The following TSNAX variants were observed in gnomAD, a reference collection of about 807,000 sequenced individuals.
TSNAX encodes the protein translin associated factor X.
TSNAX carries 12 observed loss-of-function variants against 33.0 expected under a neutral mutation model. That is an observed-to-expected ratio of 0.36 (90% CI 0.23 to 0.59). The LOEUF (loss-of-function observed/expected upper bound fraction) is 0.59, where lower values mean the gene tolerates loss of function less well. Ranked by LOEUF, TSNAX falls within the 20% of genes least tolerant of loss-of-function variation. The probability of loss-of-function intolerance (pLI) is 0.74; values close to 1 mark genes in which losing one functional copy is unlikely to be tolerated. For synonymous variants in TSNAX, 110 were observed against 117.2 expected, an observed-to-expected ratio of 0.94 and a Z score of 0.40; for missense variants, 267 against 341.3, an observed-to-expected ratio of 0.78 and a Z score of 1.72.
Position 231,533,661 on chromosome 1 carries a change from G to T in TSNAX, c.122-3552G>T, listed in dbSNP as rs75407415. Among the ~76,000 whole-genome samples, 22 of 152,246 alleles carry T rather than the reference G, an allele frequency of 1.4e-4. No homozygotes were observed. In the East Asian group the frequency reaches 3.9e-3, roughly 27 times the overall value. ...AAAACTAGAAGACTTAATGCAGTTGGAAAAATAGTACAGAGAATTTCTGTA... is the reference window on the plus strand; with the variant it reads ...AAAACTAGAAGACTTAATGCAGTTGTAAAAATAGTACAGAGAATTTCTGTA... On this transcript the variant is annotated intron_variant, in intron 2 of 5. Transcript: ENST00000366639.
At chr1:231,533,700 G>A (rs968755171) in intron 2 of TSNAX, among the ~76,000 whole-genome samples, 2 of 152,128 alleles carry the variant, frequency 1.3e-5, no homozygotes, top group African/African-American at 4.8e-5. Flanking sequence ...ACTTGACTTA[G>A]ATTGACCAAT....
intron 4 of TSNAX, among the ~76,000 whole-genome samples, chr1:231,553,763 C>G (rs1362452441): frequency 6.6e-6 from 1 of 151,342 alleles, no homozygotes; most frequent in Non-Finnish European, 1.5e-5. Flanking sequence ...CTCGGCTCAC[C>G]ACAACCTCTG....
At chr1:231,549,121 G>A (rs1046336126) in intron 4 of TSNAX, among the ~76,000 whole-genome samples, 1 of 152,132 alleles carries the variant, frequency 6.6e-6, no homozygotes, top group Non-Finnish European at 1.5e-5. Context: ...AAGGGGATGT[G>A]GTGGGGAAAT....
chr1:231,564,562 C>A lies in TSNAX; in HGVS notation c.530C>A (p.Thr177Asn). The change falls in exon 6 of 6, where the codon ACT (threonine) becomes AAT (asparagine). Residue 177 changes from threonine (T) to asparagine (N), a missense_variant. Thr to Asn is a moderately conservative substitution (Grantham distance 65). Transcript: ENST00000366639. ...GATGCACAGGATAAGCAGTTTGGTACTTGGAGACTGAGAGTCACACCTGTC... is the reference window on the plus strand; with the variant it reads ...GATGCACAGGATAAGCAGTTTGGTAATTGGAGACTGAGAGTCACACCTGTC... Reference protein sequence around the residue: ...SSDAQDKQFGTWRLRVTPVDY... With the variant: ...SSDAQDKQFGNWRLRVTPVDY... The A allele has an allele frequency of 6.2e-7, 1 of 1,613,940 alleles. No individual in the cohort carries two copies.
At chr1:231,536,692 A>G (rs894440936) in intron 2 of TSNAX, 2 of 152,244 alleles carry the variant, frequency 1.3e-5, no homozygotes, top group African/African-American at 4.8e-5. Flanking sequence ...TTGACAATTA[A>G]CACTAGAGTC....
chr1:231,543,338 G>A (rs942079951), intron 4 of TSNAX, among the ~76,000 whole-genome samples: 1 of 151,326 alleles, frequency 6.6e-6, no homozygotes, highest in African/African-American at 2.4e-5. Flanking sequence ...TACAGGTTCA[G>A]TATCCCTTAT....
At chr1:231,531,147 A>T (rs1658681121) in intron 2 of TSNAX, among the ~76,000 whole-genome samples, 1 of 151,908 alleles carries the variant, frequency 6.6e-6, no homozygotes, top group Non-Finnish European at 1.5e-5. Flanking sequence ...TTGTAGAGAC[A>T]GGGTTTCGCC....
chr1:231,558,952 G>T (rs530582648), intron 4 of TSNAX, among the ~76,000 whole-genome samples: 33 of 152,034 alleles, frequency 2.2e-4, no homozygotes, highest in African/African-American at 7.7e-4. Flanking sequence ...TTTCCTCTTA[G>T]TGCTATCAAA....
In TSNAX at chr1:231,559,177, T is replaced by A. The variant is rs552534432; in HGVS notation, c.368-1951T>A. Among the ~76,000 whole-genome samples, 26 of 152,338 alleles carry A rather than the reference T, an allele frequency of 1.7e-4. No individual in the cohort carries two copies. The East Asian group carries it at 4.2e-3, about 25-fold the overall frequency. On this transcript the variant is annotated intron_variant, in intron 4 of 5. Transcript: ENST00000366639. ...TGAGTTTTCTTTGCATAATCAGAAATGTATTCTCTTGCTATTTTTACAACA... is the reference window on the plus strand; with the variant it reads ...TGAGTTTTCTTTGCATAATCAGAAAAGTATTCTCTTGCTATTTTTACAACA...
At chr1:231,532,131 A>AACACACACACACAC (rs745744924) in intron 2 of TSNAX, among the ~76,000 whole-genome samples, 2,947 of 84,970 alleles carry the variant, frequency 0.035, 156 homozygotes, top group East Asian at 0.072. Context: ...TAGTGGTAAT[A>AACACACACACACAC]ACACACACAC....
At chr1:231,538,265 G>A (rs1427889057) in intron 3 of TSNAX, among the ~76,000 whole-genome samples, 2 of 152,056 alleles carry the variant, frequency 1.3e-5, no homozygotes, top group African/African-American at 2.4e-5. Context: ...AAGCAGAACG[G>A]GGAAATTAAT....
rs375586644 is a variant in TSNAX, at chr1:231,530,465, C to CG, written c.121+1112dup. 2.0e-3 allele frequency among the ~76,000 whole-genome samples: 297 copies of CG among 152,048 alleles called. 1 individual carries two copies. Among genetic ancestry groups the CG allele is most frequent in the African/African-American group, 6.8e-3 (283 of 41,494 alleles). On this transcript the variant is annotated intron_variant, in intron 2 of 5. Transcript: ENST00000366639. Reference sequence around the variant, plus strand: ...ATCCCAGCACTTTGGGAGGCCGAGGCGGGGGGATCACGAGGCCATGAGTTT... The same window carrying CG: ...ATCCCAGCACTTTGGGAGGCCGAGGCGGGGGGGATCACGAGGCCATGAGTTT...
intron 4 of TSNAX, among the ~76,000 whole-genome samples, chr1:231,552,315 C>CAAATT (rs1660371701): frequency 6.6e-6 from 1 of 151,410 alleles, no homozygotes; most frequent in Non-Finnish European, 1.5e-5. Context: ...AACAAAAAAA[C>CAAATT]CCTACTCAGA....
rs528536775 is a variant in TSNAX at position 231,551,989 on chromosome 1, C to G, written c.368-9139C>G. Among the ~76,000 whole-genome samples the G allele has an allele frequency of 1.2e-3, 188 of 151,852 alleles. 2 individuals are homozygous for G. Among genetic ancestry groups the G allele is most frequent in the Non-Finnish European group, 1.9e-3 (130 of 67,964 alleles). The stretch of plus-strand genomic sequence containing the variant: ...CCTGTGTGACAGAGCAAGATCATGT[C>G]TCTTTTTAAAAAAAGAAAGACCCAT... On this transcript the variant is annotated intron_variant, in intron 4 of 5. Coordinates refer to ENST00000366639, the MANE Select transcript of TSNAX (RefSeq NM_005999.3).
intron 5 of TSNAX, among the ~76,000 whole-genome samples, chr1:231,561,894 G>T (rs1558139184): frequency 6.6e-6 from 1 of 152,182 alleles, no homozygotes; most frequent in Non-Finnish European, 1.5e-5. Context: ...GAAGTGCTCA[G>T]TAGTTTGCCA....
At chr1:231,530,540 G>A (rs998138172) in intron 2 of TSNAX, among the ~76,000 whole-genome samples, 2 of 151,918 alleles carry the variant, frequency 1.3e-5, no homozygotes, top group Non-Finnish European at 1.5e-5. Flanking sequence ...TAAAGTACAC[G>A]GTGAAACCCC....
At chr1:231,564,355 TG>T (rs1661296347) in intron 5 of TSNAX, among the ~76,000 whole-genome samples, 172 bp from the exon 6 acceptor site, 2 of 152,156 alleles carry the variant, frequency 1.3e-5, no homozygotes, top group Admixed American at 1.3e-4. Context: ...ACATCCCAAG[TG>T]GTTATTAAGC....
rs568565308 is a variant in TSNAX at position 231,559,895 on chromosome 1, C to T, written c.368-1233C>T. On this transcript the variant is annotated intron_variant, in intron 4 of 5. Coordinates refer to ENST00000366639, the MANE Select transcript of TSNAX (RefSeq NM_005999.3). ...CCATTTTGAACTATGAAAAGATAAA[C>T]GGTATTTTGACACTTACCTACATTA... is the stretch of plus-strand genomic sequence containing the variant. Among the ~76,000 whole-genome samples the T allele has an allele frequency of 8.6e-5, 13 of 150,762 alleles. No individual in the cohort carries two copies. In the South Asian group the frequency reaches 1.5e-3, roughly 17 times the overall value.
chr1:231,535,477 G>A (rs903515199), intron 2 of TSNAX: 1 of 152,094 alleles, frequency 6.6e-6, no homozygotes, highest in African/African-American at 2.4e-5. Context: ...ATGAAAGCTT[G>A]TTCTTTAAAA....
Sources: gnomAD v4.1 joint callset for allele counts (sites outside exome capture counted in the v4.1 genomes callset) on GRCh38, gnomAD v4.1.1 for gene constraint, MANE v1.5 for transcripts, NCBI Gene and HGNC (gene_info 2026-07-23, HGNC 2026-07-21) for gene names.